Variants in DBN1 observed in about 807,000 individuals in gnomAD.
DBN1 encodes the protein drebrin.
In DBN1, 21 loss-of-function variants were observed where a neutral mutation model predicts 83.5. That is an observed-to-expected ratio of 0.25 (90% CI 0.18 to 0.36). The LOEUF (loss-of-function observed/expected upper bound fraction) is 0.36, where lower values mean the gene tolerates loss of function less well. Ranked by LOEUF, DBN1 falls within the 10% of genes least tolerant of loss-of-function variation. The pLI, the probability that DBN1 is intolerant of heterozygous loss-of-function variation, is 1.00. For synonymous variants in DBN1, 381 were observed against 384.9 expected (o/e 0.99, Z 0.12); for missense variants, 874 against 935.7 (o/e 0.93, Z 0.86).
At position 177,467,582 on chromosome 5, in the gene DBN1, C is replaced by T. The variant is rs1377979678; in HGVS notation, c.376G>A (p.Ala126Thr). Residue 126 changes from alanine (A) to threonine (T), a missense_variant, in exon 5 of 15, where the codon GCG becomes ACG. This residue lies in a region of DBN1 where 65 missense variants were observed against 97.3 expected (regional missense o/e 0.67). Coordinates refer to ENST00000393565, the MANE Select transcript of DBN1 (RefSeq NM_001363541.2). The surrounding 1 kb of genome is among the most constrained non-coding windows in gnomAD (Gnocchi z 9.1). ...VNASSVEDID[A>T]GAIGQRLSNG... ...GAGAGCCGCTGCCCGATGGCACCCG[C>T]GTCTATGTCTTCCACGCTGCTGGCG... The T allele has an allele frequency of 5.7e-6, 9 of 1,568,312 alleles. No individual in the cohort carries two copies. The highest frequency in any genetic ancestry group is 2.3e-5 in the South Asian group (2 of 86,338).
chr5:177,468,275 A>C, intron 2 of DBN1, 55 bp from the exon 3 acceptor site: 2 of 1,515,844 alleles, frequency 1.3e-6, no homozygotes, highest in Non-Finnish European at 1.8e-6. Flanking sequence ...CTTCCCAAAA[A>C]GAGCCTGGAA....
chr5:177,471,486 CG>C (rs1028359208), intron 1 of DBN1, among the ~76,000 whole-genome samples: 1 of 151,968 alleles, frequency 6.6e-6, no homozygotes, highest in Admixed American at 6.6e-5. Flanking sequence ...AGGTAAGGGT[CG>C]GGGGGCAGAC....
At position 177,461,094 on chromosome 5, in the gene DBN1, C is replaced by CTTTTTTTTT. The variant is rs1212164434; in HGVS notation, c.772-400_772-392dup. Among the ~76,000 whole-genome samples, 4 of 90,692 alleles carry CTTTTTTTTT rather than the reference C, an allele frequency of 4.4e-5. 1 individual carries two copies. The highest frequency in any genetic ancestry group is 1.3e-4 in the Admixed American group (1 of 7,712). 59.5% of individuals were successfully genotyped at this position (90,692 alleles called of 152,430 possible). A position where few individuals can be genotyped will look rare whatever the true frequency, so the allele number is the denominator to read the frequency against. On this transcript the variant is annotated intron_variant, in intron 8 of 14. Transcript: ENST00000393565. ...CACCAGTGCCCGGCCTTCTGGCCTT[C>CTTTTTTTTT]TTTTTTTTTTTTTTTTTTTTTTGAG...
chr5:177,473,567 G>C lies in DBN1; in HGVS notation c.-46C>G. ...GAACGGACAGACGCGCGGACGGACG[G>C]GCGGACGGAGGAGGAGGGAGGGAAA... On this transcript the variant is annotated 5_prime_UTR_variant, in exon 1 of 15. Coordinates refer to ENST00000393565, the MANE Select transcript of DBN1 (RefSeq NM_001363541.2). 1 of 1,283,692 alleles carries C rather than the reference G, an allele frequency of 7.8e-7. No homozygotes were observed. Among genetic ancestry groups the C allele is most frequent in the Non-Finnish European group, 1.0e-6 (1 of 993,466 alleles). The allele number at this position is 1,283,692 out of a possible 1,614,324, so 79.5% of individuals were successfully genotyped here. A position where few individuals can be genotyped will look rare whatever the true frequency, so the allele number is the denominator to read the frequency against.
At position 177,466,621 on chromosome 5, in the gene DBN1, GC is replaced by G; in HGVS notation, c.771+150del. ...AGAGCCCCACGTGATGAGGTGCCAGGCCTCATGCTCCATGGCACCCTGTGCC... is the reference window on the plus strand; with the variant it reads ...AGAGCCCCACGTGATGAGGTGCCAGGCTCATGCTCCATGGCACCCTGTGCC... On this transcript the variant is annotated intron_variant, in intron 8 of 14. Coordinates refer to ENST00000393565, the MANE Select transcript of DBN1 (RefSeq NM_001363541.2). This position sits in a 1 kb window ranked among gnomAD's most constrained non-coding sequence, Gnocchi z 4.8. 1 of 848,310 alleles carries G rather than the reference GC, an allele frequency of 1.2e-6. No homozygotes were observed. Among genetic ancestry groups the G allele is most frequent in the Non-Finnish European group, 2.0e-6 (1 of 506,526 alleles). The allele number at this position is 848,310 out of a possible 1,614,324, so 52.5% of individuals were successfully genotyped here.
chr5:177,464,646 T>TAAATA (rs869186471), intron 8 of DBN1, among the ~76,000 whole-genome samples: 1 of 133,630 alleles, frequency 7.5e-6, no homozygotes, highest in Non-Finnish European at 1.7e-5. Flanking sequence ...AATAAATAAA[T>TAAATA]AATAAACTTT....
At position 177,458,558 on chromosome 5, in the gene DBN1, A is replaced by G. The variant is rs1290684619; in HGVS notation, c.1414T>C (p.Ser472Pro). The G allele has an allele frequency of 6.2e-7, 1 of 1,614,040 alleles. No homozygotes were observed. Among genetic ancestry groups the G allele is most frequent in the African/African-American group, 1.3e-5 (1 of 75,004 alleles). ...GCAGCCAGGACAGCCTGCTCTGCAG[A>G]CTCCATGAACATCAAGTCCTCTGCA... ...SPAEDLMFME[S>P]AEQAVLAAPV... The change falls in exon 13 of 15, where the codon TCT (serine) becomes CCT (proline). Residue 472 changes from serine to proline, a missense_variant. Physicochemically the swap from Ser to Pro is moderately conservative, Grantham distance 74. Around this residue, in one of 4 missense-constraint regions of DBN1, gnomAD observed 725 missense variants for 719.7 expected, o/e 1.01. Transcript: ENST00000393565.
chr5:177,457,910 C>G, intron 13 of DBN1, 148 bp downstream of exon 13: 1 of 1,202,974 alleles, frequency 8.3e-7, no homozygotes, highest in Non-Finnish European at 1.2e-6. Flanking sequence ...CAGAGCCGGC[C>G]CAGGGAGGGA....
Position 177,467,114 on chromosome 5 carries a change from C to T in DBN1, c.556-52G>A, listed in dbSNP as rs1216063367. The T allele has an allele frequency of 1.9e-6, 3 of 1,611,516 alleles. No homozygotes were observed. Among genetic ancestry groups the T allele is most frequent in the African/African-American group, 1.3e-5 (1 of 74,834 alleles). On this transcript the variant is annotated intron_variant, in intron 6 of 14. Transcript: ENST00000393565. The surrounding 1 kb of genome is among the most constrained non-coding windows in gnomAD (Gnocchi z 9.1). ...AGGCCCCGAGCCTAGGCGCCTGGAC[C>T]CTGCCCCTCCAGCCCCTCCCTAACC...
chr5:177,456,857 G>T lies in DBN1; in HGVS notation c.*576C>A, dbSNP rs528864668. 157 of 153,542 alleles carry T rather than the reference G, an allele frequency of 1.0e-3. 2 individuals carry two copies. The South Asian group carries it at 0.028, about 28-fold the overall frequency. The allele number at this position is 153,542 out of a possible 1,614,324, so 9.5% of individuals were successfully genotyped here. A position where few individuals can be genotyped will look rare whatever the true frequency, so the allele number is the denominator to read the frequency against. ...GCAGGAGACGGGGGGTAGCCGAGGG[G>T]CCCCAGCTGGGCCTGCTACTTCCTT... On this transcript the variant is annotated 3_prime_UTR_variant, in exon 15 of 15. Coordinates refer to ENST00000393565, the MANE Select transcript of DBN1 (RefSeq NM_001363541.2).
chr5:177,468,400 A>G (rs1487893316), intron 2 of DBN1, among the ~76,000 whole-genome samples, 180 bp from the exon 3 acceptor site: 1 of 151,930 alleles, frequency 6.6e-6, no homozygotes, highest in Non-Finnish European at 1.5e-5. Context: ...GCGCACAGGG[A>G]TGTAGCTTTG....
intron 8 of DBN1, among the ~76,000 whole-genome samples, chr5:177,464,555 C>G (rs565737813): frequency 6.0e-4 from 90 of 151,176 alleles, no homozygotes; most frequent in African/African-American, 2.1e-3. Context: ...GTTAAGAGAT[C>G]GAGACCATCC....
intron 1 of DBN1, chr5:177,472,280 G>C: frequency 1.1e-5 from 17 of 1,599,686 alleles, no homozygotes; most frequent in Non-Finnish European, 1.4e-5. Flanking sequence ...TGCGGGTGAG[G>C]CCAGCCCAAG....
chr5:177,462,491 AC>A, intron 8 of DBN1: 2 of 769,232 alleles, frequency 2.6e-6, no homozygotes, highest in Non-Finnish European at 3.2e-6. Flanking sequence ...CCACGATGAC[AC>A]CACATCCTAA....
rs370415928 is a variant in DBN1 at position 177,459,303 on chromosome 5, G to C, written c.1094-35C>G. ...AAACCCCAGGTGGGTCAGTGAGGGC[G>C]GGGGAGCCGGGTGAGACAGGATTGT... On this transcript the variant is annotated intron_variant, in intron 11 of 14. Transcript: ENST00000393565. 8.0e-5 allele frequency: 127 copies of C among 1,592,208 alleles called. 1 individual carries two copies. The African/African-American group carries it at 1.4e-3, about 18-fold the overall frequency.
intron 12 of DBN1, 43 bp from the exon 13 acceptor site, chr5:177,458,750 C>A: frequency 2.1e-6 from 3 of 1,447,500 alleles, no homozygotes; most frequent in Non-Finnish European, 2.7e-6. Flanking sequence ...CGGCTCCCCT[C>A]GGGGAGGATG....
chr5:177,467,416 G>A lies in DBN1; in HGVS notation c.477+65C>T, dbSNP rs576957448. On this transcript the variant is annotated intron_variant, in intron 5 of 14. Transcript: ENST00000393565. This position sits in a 1 kb window ranked among gnomAD's most constrained non-coding sequence, Gnocchi z 9.1. ...TAAAGGGTGAGAGCTAAGAGGGACC[G>A]GGCAGGCCAGACTCGGGCACCAGGC... 63 of 1,612,422 alleles carry A rather than the reference G, an allele frequency of 3.9e-5. No homozygotes were observed. Among genetic ancestry groups the A allele is most frequent in the South Asian group, 2.1e-4 (19 of 91,000 alleles).
Position 177,460,450 on chromosome 5 carries a change from G to T in DBN1, c.937C>A (p.Pro313Thr). 1.2e-6 allele frequency: 2 copies of T among 1,613,986 alleles called. No homozygotes were observed. The highest frequency in any genetic ancestry group is 2.2e-5 in the South Asian group (2 of 91,084). Reference sequence around the variant, plus strand: ...GGACTACCTGGTCGATGGTTGAAGGGCGAGGGTACATCACAGCTGCCCGCA... The same window carrying T: ...GGACTACCTGGTCGATGGTTGAAGGTCGAGGGTACATCACAGCTGCCCGCA... ...ASAGSCDVPS[P>T]FNHRPGRPYC... Residue 313 changes from proline (P) to threonine (T), a missense_variant, in exon 10 of 15, where the codon CCC (proline) becomes ACC (threonine). Pro to Thr is a conservative substitution (Grantham distance 38, BLOSUM62 -1). Coordinates refer to ENST00000393565, the MANE Select transcript of DBN1 (RefSeq NM_001363541.2).
rs774123837 is a variant in DBN1 at position 177,457,293 on chromosome 5, G to A, written c.*140C>T. 4.1e-6 allele frequency: 3 copies of A among 726,506 alleles called. No individual in the cohort carries two copies. The highest frequency in any genetic ancestry group is 3.1e-5 in the South Asian group (2 of 63,602). 45.0% of individuals were successfully genotyped at this position (726,506 alleles called of 1,614,324 possible). A position where few individuals can be genotyped will look rare whatever the true frequency, so the allele number is the denominator to read the frequency against. On this transcript the variant is annotated 3_prime_UTR_variant, in exon 15 of 15. Coordinates refer to ENST00000393565, the MANE Select transcript of DBN1 (RefSeq NM_001363541.2). ...AGTCAGGCCCTGTGGGTAGGGAAGCGGCCAAGTCCCCAGCCAGGGCCGGAA... is the reference window on the plus strand; with the variant it reads ...AGTCAGGCCCTGTGGGTAGGGAAGCAGCCAAGTCCCCAGCCAGGGCCGGAA...
Sources: gnomAD v4.1 joint callset for allele counts (sites outside exome capture counted in the v4.1 genomes callset) on GRCh38, gnomAD v4.1.1 for gene constraint, gnomAD v4.1.1 regional missense constraint, Gnocchi (gnomAD v3.1) non-coding constraint, MANE v1.5 for transcripts, NCBI Gene and HGNC (gene_info 2026-07-23, HGNC 2026-07-21) for gene names.